GRIK5: variants seen among roughly 807,000 people sequenced by gnomAD.
The protein encoded by GRIK5 is glutamate ionotropic receptor kainate type subunit 5.
A neutral mutation model predicts 97.4 loss-of-function variants in GRIK5; 43 were observed. The observed-to-expected ratio is 0.44, with a 90% CI of 0.35 to 0.57. The LOEUF (loss-of-function observed/expected upper bound fraction) is 0.57. GRIK5 is among the 20% of genes least tolerant of loss of function. The pLI is 0.01. For synonymous variants in GRIK5, 580 were observed against 583.5 expected, an observed-to-expected ratio of 0.99 and a Z score of 0.09; for missense variants, 1,015 against 1,382.0, an observed-to-expected ratio of 0.73 and a Z score of 4.21.
At chr19:42,007,747 TA>T (rs1193161589) in intron 15 of GRIK5, among the ~76,000 whole-genome samples, 1 of 152,072 alleles carries the variant, frequency 6.6e-6, no homozygotes, top group Non-Finnish European at 1.5e-5. Flanking sequence ...AAACAATTCT[TA>T]GAGTTGACAC....
At chr19:42,035,233 G>T (rs900770245) in intron 12 of GRIK5, among the ~76,000 whole-genome samples, 1 of 151,624 alleles carries the variant, frequency 6.6e-6, no homozygotes. Flanking sequence ...CGCCCACCTC[G>T]GCCTCCCAAA....
intron 11 of GRIK5, 82 bp downstream of exon 11, chr19:42,053,520 A>G (rs2076142278): frequency 2.3e-6 from 2 of 858,000 alleles, no homozygotes; most frequent in Non-Finnish European, 4.0e-6. Context: ...GTGCCAGCCA[A>G]TGCATCCCTC....
intron 19 of GRIK5, among the ~76,000 whole-genome samples, chr19:42,001,057 A>G (rs782007712): frequency 1.3e-5 from 2 of 151,210 alleles, no homozygotes; most frequent in Non-Finnish European, 2.9e-5. Context: ...CTCCCCCTTT[A>G]CCTAACTCTC....
At chr19:42,011,380 G>A (rs540032642) in intron 15 of GRIK5, among the ~76,000 whole-genome samples, 25 of 151,162 alleles carry the variant, frequency 1.7e-4, no homozygotes, top group Admixed American at 1.2e-3. Flanking sequence ...GTGAAACCCC[G>A]TCTCTACTAA....
Position 42,059,292 on chromosome 19 carries a change from C to T in GRIK5, c.687+57G>A, listed in dbSNP as rs558233456. ...GCCCATGGGCATTGGGTGACTTGCT[C>T]GGTCACCCCAAGTTTCTGGCCCCAG... is the stretch of plus-strand genomic sequence containing the variant. On this transcript the variant is annotated intron_variant, in intron 6 of 19. Transcript: ENST00000593562. The T allele has an allele frequency of 5.2e-5, 74 of 1,427,444 alleles. No homozygotes were observed. In the Admixed American group the frequency reaches 7.3e-4, roughly 14 times the overall value. The allele number at this position is 1,427,444 out of a possible 1,614,324, so 88.4% of individuals were successfully genotyped here.
At chr19:42,068,653 T>G in intron 1 of GRIK5, 1 of 425,860 alleles carries the variant, frequency 2.3e-6, no homozygotes, top group South Asian at 6.6e-5. Flanking sequence ...GAGGGAGACT[T>G]GGAAAGAGGG....
At position 42,003,652 on chromosome 19, in the gene GRIK5, G is replaced by A. The variant is rs1271302514; in HGVS notation, c.2295C>T (p.Ala765=). ...GSPFRDEITL[A]ILQLQENNRL... Reference sequence around the variant, plus strand: ...GGTTGTTCTCCTGAAGCTGCAGGATGGCCAGTGTGATCTCATCCCGGAACG... The same window carrying A: ...GGTTGTTCTCCTGAAGCTGCAGGATAGCCAGTGTGATCTCATCCCGGAACG... Residue 765 remains alanine, a synonymous_variant, in exon 18 of 20, where the codon GCC becomes GCT. Transcript: ENST00000593562. This position sits in a 1 kb window ranked among gnomAD's most constrained non-coding sequence, Gnocchi z 4.2. The A allele has an allele frequency of 5.6e-6, 9 of 1,613,476 alleles. No individual in the cohort carries two copies. Among genetic ancestry groups the A allele is most frequent in the Admixed American group, 1.7e-5 (1 of 59,916 alleles).
chr19:42,035,271 G>A (rs1428874388), intron 12 of GRIK5, among the ~76,000 whole-genome samples: 1 of 152,040 alleles, frequency 6.6e-6, no homozygotes, highest in African/African-American at 2.4e-5. Context: ...GTGAGTCACT[G>A]CGCCTGGCCT....
At chr19:42,043,278 A>G (rs2076001784) in intron 11 of GRIK5, among the ~76,000 whole-genome samples, 1 of 152,124 alleles carries the variant, frequency 6.6e-6, no homozygotes, top group Non-Finnish European at 1.5e-5. Context: ...CATGGCTGGT[A>G]ATGACTCACC....
chr19:42,063,659 T>C (rs918411030), intron 3 of GRIK5: 1 of 232,320 alleles, frequency 4.3e-6, no homozygotes, highest in African/African-American at 2.3e-5. Context: ...TCACCACCAG[T>C]TGAGAGAGCA....
rs1467273459 is a variant in GRIK5 at position 41,998,818 on chromosome 19, G to C, written c.*53C>G. On this transcript the variant is annotated 3_prime_UTR_variant, in exon 20 of 20. Coordinates refer to ENST00000593562, the MANE Select transcript of GRIK5 (RefSeq NM_002088.5). ...GGGAGCGGAGACTGCTGGGGCCTGG[G>C]GCGGGCCCCGTCCCTTCGGTCAGTC... The C allele has an allele frequency of 4.2e-6, 4 of 943,358 alleles. No individual in the cohort carries two copies. In the African/African-American group the frequency reaches 7.1e-5, roughly 17 times the overall value. 58.4% of individuals were successfully genotyped at this position (943,358 alleles called of 1,614,324 possible).
At chr19:42,067,774 A>G (rs1221693465) in intron 1 of GRIK5, among the ~76,000 whole-genome samples, 1 of 152,194 alleles carries the variant, frequency 6.6e-6, no homozygotes, top group South Asian at 2.1e-4. Flanking sequence ...ACTGAGGCTA[A>G]GTGAGAGAGC....
intron 15 of GRIK5, among the ~76,000 whole-genome samples, chr19:42,010,935 A>T (rs988460056): frequency 1.3e-5 from 2 of 151,980 alleles, no homozygotes; most frequent in Admixed American, 6.6e-5. Flanking sequence ...CCTCCCACGG[A>T]GCTGGGACCA....
intron 12 of GRIK5, among the ~76,000 whole-genome samples, chr19:42,027,009 C>G (rs2075780188): frequency 6.6e-6 from 1 of 152,182 alleles, no homozygotes; most frequent in Non-Finnish European, 1.5e-5. Context: ...ACGTCCCGCA[C>G]CATCCAACCC....
Position 42,005,933 on chromosome 19 carries a change from T to C in GRIK5, c.2053A>G (p.Thr685Ala). ...MTFFQNSRYQ[T>A]YQRMWNYMQS... is the part of the protein sequence containing the mutation. ...ATGTAGTTCCACATGCGCTGGTACGTTTGGTACCGTGAATTCTGGGCAGGA... is the reference window on the plus strand; with the variant it reads ...ATGTAGTTCCACATGCGCTGGTACGCTTGGTACCGTGAATTCTGGGCAGGA... The change falls in exon 17 of 20, where the codon ACG becomes GCG. Residue 685 changes from threonine to alanine, a missense_variant. Physicochemically the swap from Thr to Ala is moderately conservative, Grantham distance 58 (BLOSUM62 0). Coordinates refer to ENST00000593562, the MANE Select transcript of GRIK5 (RefSeq NM_002088.5). The C allele has an allele frequency of 6.4e-7, 1 of 1,564,096 alleles. No homozygotes were observed. Among genetic ancestry groups the C allele is most frequent in the Non-Finnish European group, 8.8e-7 (1 of 1,140,578 alleles).
In GRIK5 at chr19:42,062,432, C is replaced by A; in HGVS notation, c.508+56G>T. 1.3e-6 allele frequency: 2 copies of A among 1,579,004 alleles called. No homozygotes were observed. Among genetic ancestry groups the A allele is most frequent in the East Asian group, 2.3e-5 (1 of 44,092 alleles). On this transcript the variant is annotated intron_variant, in intron 5 of 19. Transcript: ENST00000593562. This position sits in a 1 kb window ranked among gnomAD's most constrained non-coding sequence, Gnocchi z 5.3. ...TGAACCACTGTGTGGGACACCAGAT[C>A]TCTTGGGAAGGGGTGTCTGGGGGAA... is the stretch of plus-strand genomic sequence containing the variant.
At chr19:42,068,767 G>A in intron 1 of GRIK5, 1 of 531,322 alleles carries the variant, frequency 1.9e-6, no homozygotes, top group South Asian at 2.5e-5. Flanking sequence ...GAGTCAGAGA[G>A]GGGCCCAAGA....
At position 41,998,874 on chromosome 19, in the gene GRIK5, C is replaced by T; in HGVS notation, c.2940G>A (p.Glu980=). Residue 980 remains glutamate, a synonymous_variant, in exon 20 of 20, where the codon GAG becomes GAA. Transcript: ENST00000593562. ...GCCCGCACAGCCCCGCCCGTGGTCA[C>T]TCGTGCTCCGCCAGCTCCCGGGGGC... ...PAGPRELAEH[E] 3 of 1,119,282 alleles carry T rather than the reference C, an allele frequency of 2.7e-6. No individual in the cohort carries two copies. The highest frequency in any genetic ancestry group is 2.2e-6 in the Non-Finnish European group (2 of 915,838). The allele number at this position is 1,119,282 out of a possible 1,614,324, so 69.3% of individuals were successfully genotyped here.
chr19:42,035,285 C>T (rs1162824599), intron 12 of GRIK5, among the ~76,000 whole-genome samples: 1 of 151,938 alleles, frequency 6.6e-6, no homozygotes, highest in Non-Finnish European at 1.5e-5. Flanking sequence ...CTGGCCTAAA[C>T]GTAGCTGTTT....
Sources: allele counts gnomAD v4.1 joint callset (sites outside exome capture counted in the v4.1 genomes callset), GRCh38; gene constraint gnomAD v4.1.1; non-coding constraint Gnocchi (gnomAD v3.1); transcripts MANE v1.5; gene names NCBI Gene and HGNC (gene_info 2026-07-23, HGNC 2026-07-21).